Variants in LAPTM4B observed in about 807,000 individuals in gnomAD.
LAPTM4B encodes the protein lysosomal protein transmembrane 4 beta.
LAPTM4B carries 26 observed loss-of-function variants against 28.5 expected under a neutral mutation model. The observed-to-expected ratio is 0.91, with a 90% CI of 0.67 to 1.27. The LOEUF (loss-of-function observed/expected upper bound fraction) is 1.27, where lower values mean the gene tolerates loss of function less well. LAPTM4B is among the 50% of genes most tolerant of loss of function. The pLI is 0.00. For missense variants in LAPTM4B, 288 were observed against 285.8 expected, an observed-to-expected ratio of 1.01 and a Z score of -0.06; for synonymous variants, 109 against 106.4, an observed-to-expected ratio of 1.02 and a Z score of -0.15.
At chr8:97,850,531 T>G (rs1817508751) in intron 6 of LAPTM4B, among the ~76,000 whole-genome samples, 1 of 140,952 alleles carries the variant, frequency 7.1e-6, no homozygotes, top group Non-Finnish European at 1.6e-5. Flanking sequence ...AAAATTTTAG[T>G]GTGGTTCTAG....
intron 1 of LAPTM4B, among the ~76,000 whole-genome samples, chr8:97,779,818 C>T (rs1816281701): frequency 6.6e-6 from 1 of 150,866 alleles, no homozygotes; most frequent in African/African-American, 2.4e-5. Flanking sequence ...CTTTGGGAGG[C>T]CGAGGTGAGT....
intron 6 of LAPTM4B, among the ~76,000 whole-genome samples, chr8:97,846,039 G>A (rs1018817402): frequency 1.3e-5 from 2 of 150,506 alleles, no homozygotes; most frequent in Non-Finnish European, 3.0e-5. Flanking sequence ...ATTTTTTGTA[G>A]AGACAGGGTC....
At chr8:97,798,195 G>A (rs1444054269) in intron 1 of LAPTM4B, among the ~76,000 whole-genome samples, 1 of 152,176 alleles carries the variant, frequency 6.6e-6, no homozygotes, top group African/African-American at 2.4e-5. Context: ...ACCCAGTGTT[G>A]TTGGGGCTTT....
intron 6 of LAPTM4B, among the ~76,000 whole-genome samples, chr8:97,847,910 C>T (rs1817455772): frequency 6.6e-6 from 1 of 152,168 alleles, no homozygotes; most frequent in South Asian, 2.1e-4. Context: ...CTCCAGGCAT[C>T]TTAAGCTTTG....
At chr8:97,810,544 G>T (rs6998969) in intron 2 of LAPTM4B, among the ~76,000 whole-genome samples, 69,552 of 151,960 alleles carry the variant, frequency 0.46, 16,289 homozygotes, top group East Asian at 0.58. Flanking sequence ...GAATAAAAAG[G>T]TAAAGCACAG....
intron 1 of LAPTM4B, among the ~76,000 whole-genome samples, chr8:97,797,521 T>C (rs1816609861): frequency 6.6e-6 from 1 of 152,216 alleles, no homozygotes; most frequent in Non-Finnish European, 1.5e-5. Context: ...AATAAGATTT[T>C]AATGCTTGTA....
intron 6 of LAPTM4B, among the ~76,000 whole-genome samples, chr8:97,834,157 A>AT (rs2129831204): frequency 6.7e-6 from 1 of 150,346 alleles, no homozygotes; most frequent in East Asian, 2.0e-4. Context: ...AAAAAAAAAA[A>AT]ATCCAGGTGG....
chr8:97,844,781 C>A (rs1050558512), intron 6 of LAPTM4B, among the ~76,000 whole-genome samples: 1 of 152,176 alleles, frequency 6.6e-6, no homozygotes, highest in Non-Finnish European at 1.5e-5. Flanking sequence ...GCTTGCAACT[C>A]ATCTGCCAGC....
At chr8:97,794,780 C>T (rs988429800) in intron 1 of LAPTM4B, among the ~76,000 whole-genome samples, 1 of 152,184 alleles carries the variant, frequency 6.6e-6, no homozygotes, top group East Asian at 1.9e-4. Flanking sequence ...ATGGCGTGAT[C>T]TTGGCTCACT....
chr8:97,852,998 C>T lies in LAPTM4B; in HGVS notation c.*1524C>T. 1 of 788,630 alleles carries T rather than the reference C, an allele frequency of 1.3e-6. No individual in the cohort carries two copies. Among genetic ancestry groups the T allele is most frequent in the South Asian group, 1.8e-5 (1 of 55,028 alleles). 48.9% of individuals were successfully genotyped at this position (788,630 alleles called of 1,614,324 possible). A position where few individuals can be genotyped will look rare whatever the true frequency, so the allele number is the denominator to read the frequency against. On this transcript the variant is annotated 3_prime_UTR_variant, in exon 7 of 7. Transcript: ENST00000521545. The stretch of plus-strand genomic sequence containing the variant: ...GTAGCCGGCATACAAATGTTATCTA[C>T]AGTGTATTTTTAGATTTTTTATACT...
At chr8:97,823,700 T>G (rs1199550633) in intron 5 of LAPTM4B, among the ~76,000 whole-genome samples, 5 of 60,998 alleles carry the variant, frequency 8.2e-5, no homozygotes, top group African/African-American at 2.7e-4. Context: ...TTTATTTAGT[T>G]TTTTTTTTTT....
intron 6 of LAPTM4B, among the ~76,000 whole-genome samples, chr8:97,850,476 G>GTGTGTGTGTGTGTGTGTGTGTGTA (rs151009828): frequency 0.039 from 5,764 of 147,546 alleles, 173 homozygotes; most frequent in Non-Finnish European, 0.057. Flanking sequence ...GTGTGTGTGT[G>GTGTGTGTGTGTGTGTGTGTGTGTA]TGTGTGTGTG....
chr8:97,828,165 G>T (rs1226881990), intron 6 of LAPTM4B, among the ~76,000 whole-genome samples: 1 of 152,170 alleles, frequency 6.6e-6, no homozygotes, highest in African/African-American at 2.4e-5. Flanking sequence ...AAATGAGAAA[G>T]AGTAGTGAAG....
intron 1 of LAPTM4B, among the ~76,000 whole-genome samples, chr8:97,777,639 C>G (rs757424893): frequency 6.6e-6 from 1 of 152,158 alleles, no homozygotes; most frequent in Admixed American, 6.6e-5. Context: ...TTCCTTTAGT[C>G]AGTGCCTATC....
At chr8:97,805,567 T>C (rs1309586803) in intron 2 of LAPTM4B, 103 bp downstream of exon 2, 18 of 721,972 alleles carry the variant, frequency 2.5e-5, no homozygotes, top group South Asian at 1.1e-4. Context: ...TGAGCTGATA[T>C]ATAACTTGTC....
Position 97,776,114 on chromosome 8 carries a change from C to A in LAPTM4B, c.99+6C>A, listed in dbSNP as rs569186515. ...TGCTCGGCGTCTGGTATCTGGTGAG[C>A]GCGGCGCGCCCGGCCCGGGACCCTG... is the stretch of plus-strand genomic sequence containing the variant. On this transcript the variant is annotated splice_donor_region_variant and intron_variant, in intron 1 of 6. Transcript: ENST00000521545. 1.3e-6 allele frequency: 2 copies of A among 1,567,036 alleles called. No homozygotes were observed. The highest frequency in any genetic ancestry group is 1.7e-6 in the Non-Finnish European group (2 of 1,165,454).
Position 97,776,203 on chromosome 8 carries a change from C to A in LAPTM4B, c.99+95C>A, listed in dbSNP as rs1816211090. 6 of 1,310,606 alleles carry A rather than the reference C, an allele frequency of 4.6e-6. No homozygotes were observed. The South Asian group carries it at 9.3e-5, about 20-fold the overall frequency. 81.2% of individuals were successfully genotyped at this position (1,310,606 alleles called of 1,614,324 possible). A position where few individuals can be genotyped will look rare whatever the true frequency, so the allele number is the denominator to read the frequency against. On this transcript the variant is annotated intron_variant, in intron 1 of 6. Transcript: ENST00000521545. ...CTCGCGGTGGGGTGAGGCGTGCGCT[C>A]ATCCGCCTAAAGTTGTATTATTAGA...
rs746225334 is a variant in LAPTM4B, at chr8:97,775,911, C to T, written c.-99C>T. On this transcript the variant is annotated 5_prime_UTR_variant, in exon 1 of 7. Coordinates refer to ENST00000521545, the MANE Select transcript of LAPTM4B (RefSeq NM_018407.6). ...CGGGCGAGCGGGCCGGGAGCCGGAGCGGCGGAGGAGCCGGCAGCAGCGGCG... is the reference window on the plus strand; with the variant it reads ...CGGGCGAGCGGGCCGGGAGCCGGAGTGGCGGAGGAGCCGGCAGCAGCGGCG... 23 of 1,359,950 alleles carry T rather than the reference C, an allele frequency of 1.7e-5. No individual in the cohort carries two copies. The South Asian group carries it at 3.4e-4, about 20-fold the overall frequency. The allele number at this position is 1,359,950 out of a possible 1,614,324, so 84.2% of individuals were successfully genotyped here.
chr8:97,803,995 G>A (rs961317517), intron 1 of LAPTM4B, among the ~76,000 whole-genome samples: 8 of 152,224 alleles, frequency 5.3e-5, no homozygotes, highest in South Asian at 2.1e-4. Context: ...GTTAGTAAGA[G>A]GCTTTTCTCT....
Sources: allele counts gnomAD v4.1 joint callset (sites outside exome capture counted in the v4.1 genomes callset), GRCh38; gene constraint gnomAD v4.1.1; transcripts MANE v1.5; gene names NCBI Gene and HGNC (gene_info 2026-07-23, HGNC 2026-07-21).